RPTOR: variants seen among roughly 807,000 people sequenced by gnomAD.
The protein encoded by RPTOR is regulatory-associated protein of mTOR.
Under a neutral mutation model 169.9 loss-of-function variants are expected in RPTOR, and 21 were observed. That is an observed-to-expected ratio of 0.12 (90% CI 0.09 to 0.18). The LOEUF (loss-of-function observed/expected upper bound fraction) is 0.18. Ranked by LOEUF, RPTOR falls within the 10% of genes least tolerant of loss-of-function variation. The pLI is 1.00. For synonymous variants in RPTOR, 732 were observed against 753.2 expected, an observed-to-expected ratio of 0.97 and a Z score of 0.46; for missense variants, 1,133 against 1,855.9, an observed-to-expected ratio of 0.61 and a Z score of 7.16.
intron 13 of RPTOR, among the ~76,000 whole-genome samples, chr17:80,875,063 C>A (rs1208372128): frequency 6.6e-6 from 1 of 152,216 alleles, no homozygotes; most frequent in Non-Finnish European, 1.5e-5. Flanking sequence ...TTATGCCTTC[C>A]CCGTCAGGCA....
At chr17:80,857,123 C>A (rs1013596733) in intron 12 of RPTOR, among the ~76,000 whole-genome samples, 1 of 152,224 alleles carries the variant, frequency 6.6e-6, no homozygotes, top group African/African-American at 2.4e-5. Flanking sequence ...TGGAGTGCAG[C>A]AGTACTTTGC....
chr17:80,889,682 G>A (rs924272856), intron 17 of RPTOR, among the ~76,000 whole-genome samples: 3 of 152,208 alleles, frequency 2.0e-5, no homozygotes, highest in East Asian at 3.9e-4. Context: ...GTGTGTTGCT[G>A]TCAGAGCCCA....
At chr17:80,908,749 C>T (rs1598394730) in intron 20 of RPTOR, 62 bp from the exon 21 acceptor site, 15 of 1,212,578 alleles carry the variant, frequency 1.2e-5, no homozygotes, top group Middle Eastern at 1.9e-4. Context: ...AAAATGCAGC[C>T]GCCTTAGGAG....
chr17:80,889,666 G>A (rs533809347), intron 17 of RPTOR, among the ~76,000 whole-genome samples: 3 of 152,318 alleles, frequency 2.0e-5, no homozygotes, highest in Non-Finnish European at 4.4e-5. Flanking sequence ...GAAGGCCAGT[G>A]CGTGTGTGTG....
At chr17:80,604,354 A>T (rs11867812) in intron 1 of RPTOR, among the ~76,000 whole-genome samples, 48,107 of 151,896 alleles carry the variant, frequency 0.32, 7,728 homozygotes, top group Middle Eastern at 0.37. Context: ...AACATCATTG[A>T]ATTACAATTA....
At chr17:80,887,242 C>T (rs1254644093) in intron 17 of RPTOR, among the ~76,000 whole-genome samples, 2 of 137,930 alleles carry the variant, frequency 1.5e-5, no homozygotes, top group African/African-American at 5.5e-5. Flanking sequence ...GGTGCCAGCT[C>T]GGGGGGTGCG....
In RPTOR at chr17:80,861,810, T is replaced by C. The variant is rs1246451903; in HGVS notation, c.1509+3910T>C. 6.6e-6 allele frequency among the ~76,000 whole-genome samples: 1 copy of C among 152,218 alleles called. No individual in the cohort carries two copies. Among genetic ancestry groups the C allele is most frequent in the Non-Finnish European group, 1.5e-5 (1 of 68,040 alleles). On this transcript the variant is annotated intron_variant, in intron 13 of 33. Coordinates refer to ENST00000306801, the MANE Select transcript of RPTOR (RefSeq NM_020761.3). The surrounding 1 kb of genome is among the most constrained non-coding windows in gnomAD (Gnocchi z 4.5). ...CGTGTTTTTAGTACCTTTTAGGACCTGGAAATTGATGATGTCTTTATTTTT... is the reference window on the plus strand; with the variant it reads ...CGTGTTTTTAGTACCTTTTAGGACCCGGAAATTGATGATGTCTTTATTTTT...
chr17:80,569,081 T>G (rs898421569), intron 1 of RPTOR, among the ~76,000 whole-genome samples: 1 of 152,220 alleles, frequency 6.6e-6, no homozygotes, highest in Non-Finnish European at 1.5e-5. Context: ...TTTTAAATCC[T>G]TGAACAAATT....
chr17:80,822,440 A>C, intron 8 of RPTOR, 139 bp downstream of exon 8: 1 of 825,186 alleles, frequency 1.2e-6, no homozygotes. Flanking sequence ...GCTGAAAAGT[A>C]GAAGGCGACC....
chr17:80,770,203 C>T (rs1458509939), intron 6 of RPTOR, among the ~76,000 whole-genome samples: 1 of 152,196 alleles, frequency 6.6e-6, no homozygotes, highest in Non-Finnish European at 1.5e-5. Context: ...AGGCTATGTT[C>T]CTCCAGCACC....
At chr17:80,759,000 TTTTG>T (rs1466858394) in intron 6 of RPTOR, among the ~76,000 whole-genome samples, 1 of 151,470 alleles carries the variant, frequency 6.6e-6, no homozygotes, top group Non-Finnish European at 1.5e-5. Context: ...CTCTCAGGCA[TTTTG>T]TTTTTCTGCC....
At chr17:80,963,170 C>A in intron 33 of RPTOR, 113 bp downstream of exon 33, 1 of 1,029,352 alleles carries the variant, frequency 9.7e-7, no homozygotes, top group South Asian at 1.5e-5. Context: ...ACAGTGGGGC[C>A]CATTGGCTGC....
chr17:80,717,402 C>T (rs554104290), intron 4 of RPTOR, among the ~76,000 whole-genome samples: 3 of 152,302 alleles, frequency 2.0e-5, no homozygotes, highest in Non-Finnish European at 4.4e-5. Flanking sequence ...CTGCATTCTA[C>T]GCTAATGTCA....
intron 1 of RPTOR, among the ~76,000 whole-genome samples, chr17:80,561,984 G>A (rs769023469): frequency 6.6e-6 from 1 of 152,176 alleles, no homozygotes; most frequent in Non-Finnish European, 1.5e-5. Context: ...TTATACGTAT[G>A]TATTTATGTG....
At chr17:80,691,311 A>T (rs922324073) in intron 3 of RPTOR, among the ~76,000 whole-genome samples, 8 of 109,708 alleles carry the variant, frequency 7.3e-5, no homozygotes, top group Admixed American at 8.2e-5. Flanking sequence ...GTGTGCATGC[A>T]CGTGTGTGCA....
At chr17:80,893,073 C>T (rs953085773) in intron 19 of RPTOR, among the ~76,000 whole-genome samples, 2 of 152,232 alleles carry the variant, frequency 1.3e-5, no homozygotes, top group African/African-American at 2.4e-5. Flanking sequence ...GAATAGCCAG[C>T]GGGCCCGTTA....
chr17:80,801,473 C>A (rs1336799205), intron 7 of RPTOR, among the ~76,000 whole-genome samples: 1 of 152,118 alleles, frequency 6.6e-6, no homozygotes, highest in South Asian at 2.1e-4. Flanking sequence ...GTGAACAGAG[C>A]ACGGGCTCCT....
chr17:80,700,099 G>A (rs2066071849), intron 3 of RPTOR, among the ~76,000 whole-genome samples: 1 of 152,216 alleles, frequency 6.6e-6, no homozygotes, highest in Admixed American at 6.5e-5. Context: ...TGGGCAGAAG[G>A]CTGGAAAGTA....
intron 1 of RPTOR, among the ~76,000 whole-genome samples, chr17:80,608,558 G>C (rs1234256590): frequency 1.3e-5 from 2 of 152,212 alleles, no homozygotes; most frequent in African/African-American, 4.8e-5. Context: ...AAGAAACTGA[G>C]ATTCAGAGAG....
Sources: gnomAD v4.1 joint callset for allele counts (sites outside exome capture counted in the v4.1 genomes callset) on GRCh38, gnomAD v4.1.1 for gene constraint, Gnocchi (gnomAD v3.1) non-coding constraint, MANE v1.5 for transcripts, NCBI Gene and HGNC (gene_info 2026-07-23, HGNC 2026-07-21) for gene names.